VAPA: variants seen among roughly 807,000 people sequenced by gnomAD.
VAPA encodes the protein vesicle-associated membrane protein-associated protein A.
Under a neutral mutation model 25.6 loss-of-function variants are expected in VAPA, and 6 were observed. The ratio of observed to expected loss-of-function variants is 0.23; its 90% CI spans 0.13 to 0.46. The LOEUF (loss-of-function observed/expected upper bound fraction) is 0.46. VAPA is among the 20% of genes least tolerant of loss of function. VAPA has a pLI of 0.99. For missense variants in VAPA, 244 were observed against 302.1 expected, an observed-to-expected ratio of 0.81 and a Z score of 1.43; for synonymous variants, 112 against 106.2, an observed-to-expected ratio of 1.05 and a Z score of -0.34.
chr18:9,921,144 T>C (rs1363087826), intron 1 of VAPA, among the ~76,000 whole-genome samples: 1 of 152,262 alleles, frequency 6.6e-6, no homozygotes, highest in African/African-American at 2.4e-5. Flanking sequence ...ATTGAATTAA[T>C]AAGACTCAGA....
At chr18:9,942,078 T>G (rs29145) in intron 4 of VAPA, among the ~76,000 whole-genome samples, 23,114 of 152,126 alleles carry the variant, frequency 0.15, 1,826 homozygotes, top group South Asian at 0.2. Flanking sequence ...AACAACTTAG[T>G]ATTTAACGTA....
intron 4 of VAPA, among the ~76,000 whole-genome samples, chr18:9,938,033 A>G (rs1428764789): frequency 6.6e-6 from 1 of 152,186 alleles, no homozygotes; most frequent in Non-Finnish European, 1.5e-5. Context: ...AAAAATTGTG[A>G]ACACATGTAT....
At chr18:9,918,560 T>C (rs759160075) in intron 1 of VAPA, among the ~76,000 whole-genome samples, 18 of 152,204 alleles carry the variant, frequency 1.2e-4, no homozygotes, top group Non-Finnish European at 1.9e-4. Context: ...TATAACAGCA[T>C]TGTCTTCTAA....
At position 9,917,052 on chromosome 18, in the gene VAPA, C is replaced by G. The variant is rs546157102; in HGVS notation, c.79+2717C>G. Among the ~76,000 whole-genome samples the G allele has an allele frequency of 2.0e-5, 3 of 152,208 alleles. No homozygotes were observed. The South Asian group carries it at 6.2e-4, about 32-fold the overall frequency. On this transcript the variant is annotated intron_variant, in intron 1 of 5. Coordinates refer to ENST00000400000, the MANE Select transcript of VAPA (RefSeq NM_194434.3). ...TAAAAAAAAGTTTGTTTTATACAGT[C>G]GTTAACATATAAAAGTGCATTTACG...
chr18:9,937,119 T>C, intron 4 of VAPA, 53 bp downstream of exon 4: 1 of 1,463,722 alleles, frequency 6.8e-7, no homozygotes, highest in South Asian at 1.2e-5. Flanking sequence ...TCAGTTCCTT[T>C]GATTAATTTT....
chr18:9,937,309 T>C (rs2069321532), intron 4 of VAPA, among the ~76,000 whole-genome samples: 1 of 149,552 alleles, frequency 6.7e-6, no homozygotes, highest in African/African-American at 2.5e-5. Flanking sequence ...TGGAGAAGAA[T>C]CATTTAAGTC....
chr18:9,937,559 C>T (rs2069324118), intron 4 of VAPA, among the ~76,000 whole-genome samples: 1 of 152,032 alleles, frequency 6.6e-6, no homozygotes, highest in South Asian at 2.1e-4. Flanking sequence ...ATGTTGCTTA[C>T]TCATTAGTGT....
At position 9,958,901 on chromosome 18, in the gene VAPA, T is replaced by C. The variant is rs1036087140; in HGVS notation, c.*4690T>C. The C allele has an allele frequency of 1.3e-5, 2 of 152,248 alleles. No individual in the cohort carries two copies. Among genetic ancestry groups the C allele is most frequent in the African/African-American group, 2.4e-5 (1 of 41,478 alleles). The allele number at this position is 152,248 out of a possible 1,614,324, so 9.4% of individuals were successfully genotyped here. On this transcript the variant is annotated 3_prime_UTR_variant, in exon 6 of 6. Transcript: ENST00000400000. The stretch of plus-strand genomic sequence containing the variant: ...TGGGCTTCAGTATTAATTGCCATTT[T>C]GCTGACACCCAGTGTACCTACCTAC...
intron 1 of VAPA, among the ~76,000 whole-genome samples, chr18:9,929,167 A>G (rs1338767082): frequency 6.6e-6 from 1 of 152,150 alleles, no homozygotes; most frequent in African/African-American, 2.4e-5. Context: ...CACGTAATAG[A>G]TGAATACTTG....
At chr18:9,925,662 A>G (rs1301384798) in intron 1 of VAPA, among the ~76,000 whole-genome samples, 4 of 152,138 alleles carry the variant, frequency 2.6e-5, no homozygotes, top group Non-Finnish European at 5.9e-5. Flanking sequence ...AACATACAGT[A>G]AGGGTAAATT....
At chr18:9,945,159 G>T (rs2069408959) in intron 4 of VAPA, 29 of 1,340,112 alleles carry the variant, frequency 2.2e-5, no homozygotes, top group Non-Finnish European at 2.8e-5. Context: ...TATGTTGTAT[G>T]AAGTAGATAG....
intron 1 of VAPA, among the ~76,000 whole-genome samples, chr18:9,930,674 CT>C (rs2069245175): frequency 6.6e-6 from 1 of 150,944 alleles, no homozygotes; most frequent in East Asian, 2.0e-4. Flanking sequence ...GAAGATCATA[CT>C]TTGTCATATG....
At chr18:9,925,657 A>T (rs998506723) in intron 1 of VAPA, among the ~76,000 whole-genome samples, 3 of 152,114 alleles carry the variant, frequency 2.0e-5, no homozygotes, top group African/African-American at 7.2e-5. Context: ...AAAAAAACAT[A>T]CAGTAAGGGT....
chr18:9,914,339 G>A lies in VAPA; in HGVS notation c.79+4G>A. ...CCCACAGACCTCAAATTCAAAGGTA[G>A]GCAGAACGGGGACACCCCCGGGTGG... On this transcript the variant is annotated splice_donor_region_variant and intron_variant, in intron 1 of 5. Coordinates refer to ENST00000400000, the MANE Select transcript of VAPA (RefSeq NM_194434.3). 6.3e-7 allele frequency: 1 copy of A among 1,575,262 alleles called. No individual in the cohort carries two copies. Among genetic ancestry groups the A allele is most frequent in the African/African-American group, 1.4e-5 (1 of 70,736 alleles).
intron 1 of VAPA, among the ~76,000 whole-genome samples, chr18:9,920,486 A>G (rs921556122): frequency 1.3e-5 from 2 of 152,122 alleles, no homozygotes; most frequent in Non-Finnish European, 2.9e-5. Context: ...TATTTTTAGT[A>G]GAGACGGGGT....
chr18:9,914,519 G>C, intron 1 of VAPA, 184 bp downstream of exon 1: 1 of 389,738 alleles, frequency 2.6e-6, no homozygotes, highest in Non-Finnish European at 4.5e-6. Context: ...CCCTTGCTCC[G>C]GCCCGCTTCA....
intron 1 of VAPA, among the ~76,000 whole-genome samples, chr18:9,915,535 C>T (rs777877699): frequency 1.6e-4 from 24 of 152,082 alleles, no homozygotes; most frequent in Non-Finnish European, 3.4e-4. Flanking sequence ...TAAAGTGAGT[C>T]CCGTTTTGGA....
Position 9,954,406 on chromosome 18 carries a change from A to G in VAPA, c.*195A>G. On this transcript the variant is annotated 3_prime_UTR_variant, in exon 6 of 6. Coordinates refer to ENST00000400000, the MANE Select transcript of VAPA (RefSeq NM_194434.3). Reference sequence around the variant, plus strand: ...AAAACAAACTGTTCGGCTACTGGACAGGTTGTATATTACCAGATCATCACT... The same window carrying G: ...AAAACAAACTGTTCGGCTACTGGACGGGTTGTATATTACCAGATCATCACT... 1 of 538,704 alleles carries G rather than the reference A, an allele frequency of 1.9e-6. No homozygotes were observed. The highest frequency in any genetic ancestry group is 3.2e-6 in the Non-Finnish European group (1 of 308,426). The allele number at this position is 538,704 out of a possible 1,614,324, so 33.4% of individuals were successfully genotyped here. A position where few individuals can be genotyped will look rare whatever the true frequency, so the allele number is the denominator to read the frequency against.
At chr18:9,918,981 G>T (rs999778893) in intron 1 of VAPA, among the ~76,000 whole-genome samples, 1 of 152,114 alleles carries the variant, frequency 6.6e-6, no homozygotes, top group Non-Finnish European at 1.5e-5. Context: ...GCTCACTGCA[G>T]CCGTGACCTC....
Sources: allele counts gnomAD v4.1 joint callset (sites outside exome capture counted in the v4.1 genomes callset), GRCh38; gene constraint gnomAD v4.1.1; transcripts MANE v1.5; gene names NCBI Gene and HGNC (gene_info 2026-07-23, HGNC 2026-07-21).